JPH3: variants seen among roughly 807,000 people sequenced by gnomAD.
JPH3 encodes junctophilin-3.
JPH3 carries 11 observed loss-of-function variants against 59.6 expected under a neutral mutation model. The ratio of observed to expected loss-of-function variants is 0.18; its 90% confidence interval spans 0.12 to 0.31. The LOEUF (loss-of-function observed/expected upper bound fraction) is 0.31. Among genes scored for constraint, JPH3 ranks in the 10% least tolerant of loss-of-function variants. JPH3 has a pLI of 1.00. For missense variants in JPH3, 1,202 were observed against 1,105.7 expected (o/e 1.09, Z -1.24); for synonymous variants, 673 against 483.6 (o/e 1.39, Z -5.14).
In JPH3 at chr16:87,677,726, C is replaced by T. The variant is rs139618987; in HGVS notation, c.1161-6416C>T. On this transcript the variant is annotated intron_variant, in intron 2 of 4. Transcript: ENST00000284262. ...ATTGGCTGGGCTGGAAGGCTCCTTA[C>T]AGAAGAGCTCGCTTGCCCATTCACT... Among the ~76,000 whole-genome samples, 695 of 152,338 alleles carry T rather than the reference C, an allele frequency of 4.6e-3. 3 individuals carry two copies. Among genetic ancestry groups the T allele is most frequent in the Non-Finnish European group, 7.9e-3 (535 of 68,028 alleles).
At chr16:87,662,856 T>C (rs1212137498) in intron 2 of JPH3, among the ~76,000 whole-genome samples, 2 of 152,214 alleles carry the variant, frequency 1.3e-5, no homozygotes, top group Non-Finnish European at 2.9e-5. Flanking sequence ...TGGCCCTCCC[T>C]ACCTGAAACC....
At chr16:87,679,656 G>T (rs929958584) in intron 2 of JPH3, among the ~76,000 whole-genome samples, 12 of 152,220 alleles carry the variant, frequency 7.9e-5, no homozygotes, top group African/African-American at 2.9e-4. Context: ...GGGCTGGGTC[G>T]TGCCGGCTCT....
chr16:87,689,517 G>C, intron 3 of JPH3, 129 bp from the exon 4 acceptor site: 3 of 1,002,774 alleles, frequency 3.0e-6, no homozygotes, highest in Non-Finnish European at 4.4e-6. Flanking sequence ...CTTGCCTGCA[G>C]CCTTTCGGTG....
At chr16:87,653,447 A>AGGT (rs2032392911) in intron 2 of JPH3, 2 of 152,234 alleles carry the variant, frequency 1.3e-5, no homozygotes, top group Admixed American at 1.3e-4. Context: ...GAAGCCCCAC[A>AGGT]GGTAGGCCCC....
In JPH3 at chr16:87,644,402, C is replaced by A. The variant is rs373143340; in HGVS notation, c.527C>A (p.Ala176Glu). 1 of 1,612,594 alleles carries A rather than the reference C, an allele frequency of 6.2e-7. No individual in the cohort carries two copies. Among genetic ancestry groups the A allele is most frequent in the Admixed American group, 1.7e-5 (1 of 59,996 alleles). The part of the protein sequence containing the change: ...SLRSEHTNGT[A>E]LHPDASPAVA... Reference sequence around the variant, plus strand: ...CGCAGCGAGCACACCAACGGCACGGCGCTGCATCCCGACGCCTCTCCGGCG... The same window carrying A: ...CGCAGCGAGCACACCAACGGCACGGAGCTGCATCCCGACGCCTCTCCGGCG... Residue 176 changes from alanine (A) to glutamate (E), a missense_variant, in exon 2 of 5, where the codon GCG becomes GAG. Ala to Glu is a moderately radical substitution (Grantham distance 107). Coordinates refer to ENST00000284262, the MANE Select transcript of JPH3 (RefSeq NM_020655.4).
At position 87,649,827 on chromosome 16, in the gene JPH3, G is replaced by C. The variant is rs574158661; in HGVS notation, c.1160+4792G>C. Among the ~76,000 whole-genome samples the C allele has an allele frequency of 2.1e-4, 32 of 152,326 alleles. No individual in the cohort carries two copies. In the South Asian group the frequency reaches 6.4e-3, roughly 31 times the overall value. ...GACCCATTGGCTGCTTCTGCTGCGGGAGAGGGAGAGACGGGGTGGCCCATG... is the reference window on the plus strand; with the variant it reads ...GACCCATTGGCTGCTTCTGCTGCGGCAGAGGGAGAGACGGGGTGGCCCATG... On this transcript the variant is annotated intron_variant, in intron 2 of 4. Coordinates refer to ENST00000284262, the MANE Select transcript of JPH3 (RefSeq NM_020655.4).
chr16:87,654,612 TG>T (rs991731972), intron 2 of JPH3: 1 of 152,200 alleles, frequency 6.6e-6, no homozygotes, highest in Non-Finnish European at 1.5e-5. Flanking sequence ...GGGAATGGGA[TG>T]GGAAGGAGCC....
intron 2 of JPH3, among the ~76,000 whole-genome samples, chr16:87,664,243 A>C (rs1381493760): frequency 6.6e-6 from 1 of 151,338 alleles, no homozygotes; most frequent in Non-Finnish European, 1.5e-5. Context: ...AGGCAGGAGA[A>C]TGGCGTGAAC....
intron 1 of JPH3, among the ~76,000 whole-genome samples, chr16:87,626,840 A>G (rs1002013952): frequency 5.9e-5 from 9 of 152,218 alleles, no homozygotes; most frequent in Non-Finnish European, 1.0e-4. Context: ...TGTTGGTCCT[A>G]AAAGATCATG....
chr16:87,664,893 G>C (rs1254043943), intron 2 of JPH3, among the ~76,000 whole-genome samples: 1 of 152,190 alleles, frequency 6.6e-6, no homozygotes, highest in Non-Finnish European at 1.5e-5. Context: ...GAGGACCCAG[G>C]TCACCAGTGC....
rs764543151 is a variant in JPH3, at chr16:87,689,780, G to A, written c.1420G>A (p.Asp474Asn). Residue 474 changes from aspartate (D) to asparagine (N), a missense_variant, in exon 4 of 5, where the codon GAC (aspartate) becomes AAC (asparagine). Asp to Asn is a conservative substitution (Grantham distance 23). Transcript: ENST00000284262. ...CACTCCCTCCGACCTGACCCCCGAC[G>A]ACAGCCCCCTGCAGAGCTTCCCCAC... ...GTTPSDLTPD[D>N]SPLQSFPTSP... The A allele has an allele frequency of 9.3e-6, 15 of 1,608,470 alleles. No homozygotes were observed. The highest frequency in any genetic ancestry group is 6.6e-5 in the South Asian group (6 of 90,750).
chr16:87,695,095 GTTCTCATCAA>G (rs956727656), intron 4 of JPH3: 8 of 353,678 alleles, frequency 2.3e-5, no homozygotes, highest in Non-Finnish European at 3.9e-5. Context: ...GGTCCCCGGT[GTTCTCATCAA>G]TTCTCTTCCA....
chr16:87,651,368 C>A (rs1309041236), intron 2 of JPH3, among the ~76,000 whole-genome samples: 1 of 152,168 alleles, frequency 6.6e-6, no homozygotes, highest in Non-Finnish European at 1.5e-5. Flanking sequence ...ACTTTGAGGT[C>A]TTATTATTTA....
At chr16:87,657,221 C>G (rs1409918566) in intron 2 of JPH3, among the ~76,000 whole-genome samples, 1 of 152,122 alleles carries the variant, frequency 6.6e-6, no homozygotes, top group East Asian at 1.9e-4. Context: ...CCAAACTGAC[C>G]AGACCTAAAA....
chr16:87,660,108 T>C (rs959519626), intron 2 of JPH3, among the ~76,000 whole-genome samples: 1 of 152,208 alleles, frequency 6.6e-6, no homozygotes, highest in Admixed American at 6.5e-5. Flanking sequence ...CTCAGTTTCC[T>C]CATCTGTAAA....
At chr16:87,646,549 A>G (rs889772517) in intron 2 of JPH3, among the ~76,000 whole-genome samples, 3 of 152,268 alleles carry the variant, frequency 2.0e-5, no homozygotes, top group Non-Finnish European at 4.4e-5. Flanking sequence ...AGGAAAATAA[A>G]TAACACTGAG....
At position 87,602,916 on chromosome 16, in the gene JPH3, C is replaced by T; in HGVS notation, c.-231C>T. On this transcript the variant is annotated 5_prime_UTR_variant, in exon 1 of 5. Transcript: ENST00000284262. ...CTGTCTCCAGCGGGAGCGCGAGACG[C>T]TGGTCAGGCTCCGCGGCGCAGCTCG... 2.4e-6 allele frequency: 1 copy of T among 418,394 alleles called. No individual in the cohort carries two copies. Among genetic ancestry groups the T allele is most frequent in the Non-Finnish European group, 4.2e-6 (1 of 236,232 alleles). The allele number at this position is 418,394 out of a possible 1,614,324, so 25.9% of individuals were successfully genotyped here.
intron 2 of JPH3, among the ~76,000 whole-genome samples, chr16:87,678,366 C>T (rs2033202119): frequency 6.6e-6 from 1 of 152,122 alleles, no homozygotes; most frequent in South Asian, 2.1e-4. Flanking sequence ...TGACAAAACC[C>T]TGTCTCTACT....
rs113014504 is a variant in JPH3, at chr16:87,636,452, C to T, written c.383-7806C>T. Among the ~76,000 whole-genome samples the T allele has an allele frequency of 2.0e-3, 310 of 152,302 alleles. 1 individual carries two copies. Among genetic ancestry groups the T allele is most frequent in the African/African-American group, 6.9e-3 (288 of 41,560 alleles). On this transcript the variant is annotated intron_variant, in intron 1 of 4. Coordinates refer to ENST00000284262, the MANE Select transcript of JPH3 (RefSeq NM_020655.4). Reference sequence around the variant, plus strand: ...AATAGCTCCGTCACAGTGGCTGTCGCTTTATTGAGCAACCGAGGGAGCGAG... The same window carrying T: ...AATAGCTCCGTCACAGTGGCTGTCGTTTTATTGAGCAACCGAGGGAGCGAG...
Sources: gnomAD v4.1 joint callset for allele counts (sites outside exome capture counted in the v4.1 genomes callset) on GRCh38, gnomAD v4.1.1 for gene constraint, MANE v1.5 for transcripts, NCBI Gene and HGNC (gene_info 2026-07-23, HGNC 2026-07-21) for gene names.